BIN2: variants seen among roughly 807,000 people sequenced by gnomAD.
The protein encoded by BIN2 is breast cancer associated protein BRAP1.
Under a neutral mutation model 67.9 loss-of-function variants are expected in BIN2, and 43 were observed. The ratio of observed to expected loss-of-function variants is 0.63; its 90% CI spans 0.50 to 0.82. BIN2 has a LOEUF of 0.82. Ranked by LOEUF, BIN2 falls within the 40% of genes least tolerant of loss-of-function variation. The pLI is 0.00. For missense variants in BIN2, 581 were observed against 671.6 expected, an observed-to-expected ratio of 0.87 and a Z score of 1.49; for synonymous variants, 244 against 246.8, an observed-to-expected ratio of 0.99 and a Z score of 0.11.
At chr12:51,324,398 G>C (rs1946378117), upstream of BIN2, 2 of 1,353,214 alleles carry the variant, frequency 1.5e-6, no homozygotes, top group East Asian at 5.4e-5. Flanking sequence ...GTCCTCAGTG[G>C]TGGGCCCACA....
intron 9 of BIN2, among the ~76,000 whole-genome samples, chr12:51,293,638 T>TA (rs986653672): frequency 1.3e-5 from 2 of 152,108 alleles, no homozygotes; most frequent in African/African-American, 4.8e-5. Flanking sequence ...TCGATTTTTT[T>TA]AAAAAAGGTC....
chr12:51,299,247 A>G lies in BIN2; in HGVS notation c.558T>C (p.Asp186=). 6.2e-7 allele frequency: 1 copy of G among 1,613,876 alleles called. No homozygotes were observed. Among genetic ancestry groups the G allele is most frequent in the Non-Finnish European group, 8.5e-7 (1 of 1,179,764 alleles). Residue 186 remains aspartate (D), a synonymous_variant, in exon 7 of 13, where the codon GAT becomes GAC. Coordinates refer to ENST00000615107, the MANE Select transcript of BIN2 (RefSeq NM_016293.4). Reference sequence around the variant, plus strand: ...GCTCCTCTAGTAGTTCTTGGTTCAGATCTTCAAACACAGTCTGGGCTTTGT... The same window carrying G: ...GCTCCTCTAGTAGTTCTTGGTTCAGGTCTTCAAACACAGTCTGGGCTTTGT... ...EFNKAQTVFE[D]LNQELLEELP...
intron 2 of BIN2, among the ~76,000 whole-genome samples, chr12:51,313,544 T>C (rs1946051177): frequency 6.6e-6 from 1 of 152,120 alleles, no homozygotes; most frequent in South Asian, 2.1e-4. Flanking sequence ...TTTCATCATG[T>C]TGGCCAGGAT....
intron 9 of BIN2, among the ~76,000 whole-genome samples, chr12:51,294,827 GA>G (rs1228942899): frequency 4.6e-5 from 7 of 152,152 alleles, no homozygotes; most frequent in African/African-American, 1.4e-4. Flanking sequence ...GGAACATTGG[GA>G]ACTTCAGCTA....
intron 2 of BIN2, among the ~76,000 whole-genome samples, chr12:51,313,335 T>C (rs1671841929): frequency 6.8e-6 from 1 of 147,536 alleles, no homozygotes; most frequent in South Asian, 2.2e-4. Context: ...ATTCCTTTAT[T>C]TTTATTTTTA....
Position 51,305,623 on chromosome 12 carries a change from C to CA in BIN2, c.163-2483dup, listed in dbSNP as rs201641166. ...TGGGCAACAGAATGAAACTCCATCT[C>CA]AAAAAAAAAAAAAATGAGAAAAAAA... is the stretch of plus-strand genomic sequence containing the variant. On this transcript the variant is annotated intron_variant, in intron 2 of 12. Transcript: ENST00000615107. Among the ~76,000 whole-genome samples the CA allele has an allele frequency of 3.9e-3, 461 of 118,952 alleles. 1 individual carries two copies. Among genetic ancestry groups the CA allele is most frequent in the East Asian group, 5.9e-3 (26 of 4,396 alleles). 78.0% of individuals were successfully genotyped at this position (118,952 alleles called of 152,430 possible).
chr12:51,302,785 A>G lies in BIN2; in HGVS notation c.218-5T>C, dbSNP rs531647848. The G allele has an allele frequency of 3.1e-6, 5 of 1,609,066 alleles. No homozygotes were observed. The African/African-American group carries it at 5.3e-5, about 17-fold the overall frequency. On this transcript the variant is annotated splice_region_variant and splice_polypyrimidine_tract_variant and intron_variant, in intron 3 of 12. Transcript: ENST00000615107. ...TTTTTGAACTTTCATGCATCACTGA[A>G]AGGAGAGAATTCAGTCCCACCATCA...
intron 7 of BIN2, among the ~76,000 whole-genome samples, 160 bp downstream of exon 7, chr12:51,299,043 C>G (rs1945645202): frequency 6.7e-6 from 1 of 148,612 alleles, no homozygotes; most frequent in South Asian, 2.1e-4. Context: ...CTACTGCACT[C>G]TAGCCTGGGT....
At chr12:51,312,882 C>T (rs1315856651) in intron 2 of BIN2, among the ~76,000 whole-genome samples, 1 of 151,970 alleles carries the variant, frequency 6.6e-6, no homozygotes, top group African/African-American at 2.4e-5. Context: ...AGCTAATAAC[C>T]CATTAATATA....
chr12:51,291,981 G>C lies in BIN2; in HGVS notation c.1125C>G (p.Ser375Arg). Residue 375 changes from serine (S) to arginine (R), a missense_variant, in exon 10 of 13, where the codon AGC (serine) becomes AGG (arginine). Physicochemically the swap from Ser to Arg is moderately radical, Grantham distance 110. Transcript: ENST00000615107. ...CAGATGATGAAGGCTGCCCTGAAGG[G>C]CTCAGGGCTCCGCCTGGTGATGGAG... Reference protein sequence around the residue: ...STTPSPGGALSPSGQPSSSAT... With the variant: ...STTPSPGGALRPSGQPSSSAT... The C allele has an allele frequency of 6.2e-7, 1 of 1,614,226 alleles. No individual in the cohort carries two copies. The highest frequency in any genetic ancestry group is 8.5e-7 in the Non-Finnish European group (1 of 1,180,036).
intron 1 of BIN2, among the ~76,000 whole-genome samples, chr12:51,315,174 ATTT>A (rs58775675): frequency 6.8e-6 from 1 of 146,212 alleles, no homozygotes. Context: ...TATTATTATT[ATTT>A]TTTTTTTTTT....
intron 2 of BIN2, among the ~76,000 whole-genome samples, chr12:51,311,272 A>C (rs1027783203): frequency 6.6e-6 from 1 of 151,618 alleles, no homozygotes; most frequent in Non-Finnish European, 1.5e-5. Context: ...GTTTGTCTCA[A>C]ACTCCTAGTC....
At chr12:51,296,272 G>A (rs186474754) in intron 8 of BIN2, among the ~76,000 whole-genome samples, 115 of 152,138 alleles carry the variant, frequency 7.6e-4, no homozygotes, top group South Asian at 3.1e-3. Flanking sequence ...CGAGGTGGGC[G>A]GATCACGAGG....
At chr12:51,323,291 T>C (rs1946335070) in intron 1 of BIN2, 1 of 152,214 alleles carries the variant, frequency 6.6e-6, no homozygotes, top group Non-Finnish European at 1.5e-5. Context: ...GCCATCAAAA[T>C]GTGTAGAGAA....
upstream of BIN2, chr12:51,324,346 G>T: frequency 7.6e-7 from 1 of 1,318,570 alleles, no homozygotes; most frequent in Non-Finnish European, 1.0e-6. Context: ...GCCAGCTTCC[G>T]AGCTCCAACC....
At chr12:51,302,212 G>A in intron 4 of BIN2, 97 bp from the exon 5 acceptor site, 2 of 813,634 alleles carry the variant, frequency 2.5e-6, no homozygotes, top group Non-Finnish European at 2.0e-6. Context: ...AACCTTTTTT[G>A]TAGCACCGTA....
In BIN2 at chr12:51,281,133, C is replaced by G. The variant is rs1945111383; in HGVS notation, c.*366G>C. 9.1e-6 allele frequency: 2 copies of G among 220,470 alleles called. No homozygotes were observed. Among genetic ancestry groups the G allele is most frequent in the Non-Finnish European group, 1.8e-5 (2 of 111,020 alleles). 13.7% of individuals were successfully genotyped at this position (220,470 alleles called of 1,614,324 possible). Reference sequence around the variant, plus strand: ...CGTAAGTCAAAGACAGATTTGTTCACTATCCTCTGAGTGTGTGTGGTTATG... The same window carrying G: ...CGTAAGTCAAAGACAGATTTGTTCAGTATCCTCTGAGTGTGTGTGGTTATG... On this transcript the variant is annotated 3_prime_UTR_variant, in exon 13 of 13. Transcript: ENST00000615107.
chr12:51,312,911 T>G (rs1277809625), intron 2 of BIN2, among the ~76,000 whole-genome samples: 1 of 152,144 alleles, frequency 6.6e-6, no homozygotes. Flanking sequence ...AATTATTTTC[T>G]ATATAATTCA....
At chr12:51,310,845 C>T (rs1945974452) in intron 2 of BIN2, among the ~76,000 whole-genome samples, 1 of 150,170 alleles carries the variant, frequency 6.7e-6, no homozygotes, top group Admixed American at 6.6e-5. Context: ...ACTGTAGCCT[C>T]GACCTGAGAC....
Sources: allele counts gnomAD v4.1 joint callset (sites outside exome capture counted in the v4.1 genomes callset), GRCh38; gene constraint gnomAD v4.1.1; transcripts MANE v1.5; gene names NCBI Gene and HGNC (gene_info 2026-07-23, HGNC 2026-07-21).